MSH3: variants seen among roughly 807,000 people sequenced by gnomAD.
MSH3 encodes the protein DNA mismatch repair protein Msh3.
Under a neutral mutation model 123.3 loss-of-function variants are expected in MSH3, and 106 were observed. The observed-to-expected ratio is 0.86, with a 90% CI of 0.73 to 1.01. The LOEUF (loss-of-function observed/expected upper bound fraction) is 1.01, where lower values mean the gene tolerates loss of function less well. Ranked by LOEUF, MSH3 falls within the 50% of genes least tolerant of loss-of-function variation. MSH3 has a pLI of 0.00. For synonymous variants in MSH3, 515 were observed against 481.4 expected (o/e 1.07, Z -0.91); for missense variants, 1,459 against 1,347.6 (o/e 1.08, Z -1.29).
chr5:80,668,272 A>G (rs1188615293), intron 3 of MSH3, among the ~76,000 whole-genome samples: 1 of 152,102 alleles, frequency 6.6e-6, no homozygotes, highest in Non-Finnish European at 1.5e-5. Context: ...GGCTCAGAAA[A>G]CACCGTAAGT....
At chr5:80,785,996 T>A (rs1305522350) in intron 17 of MSH3, among the ~76,000 whole-genome samples, 3 of 15,138 alleles carry the variant, frequency 2.0e-4, no homozygotes, top group African/African-American at 2.8e-4. Context: ...TGTTGTGGGG[T>A]GGGGGGAAGG....
chr5:80,672,281 A>G lies in MSH3; in HGVS notation c.830A>G (p.Asp277Gly). The change falls in exon 5 of 24, where the codon GAT becomes GGT. Residue 277 changes from aspartate to glycine, a missense_variant. Asp to Gly is a moderately conservative substitution (Grantham distance 94). Coordinates refer to ENST00000265081, the MANE Select transcript of MSH3 (RefSeq NM_002439.5). ...GAGCTCAATATTTATTGCCATTTAG[A>G]TCACAACTTTATGACAGCAAGTATA... ...ARELNIYCHL[D>G]HNFMTASIPT... is the part of the protein sequence containing the mutation. 6.2e-7 allele frequency: 1 copy of G among 1,613,962 alleles called. No individual in the cohort carries two copies.
At chr5:80,657,354 T>C (rs1749316636) in intron 2 of MSH3, among the ~76,000 whole-genome samples, 1 of 152,156 alleles carries the variant, frequency 6.6e-6, no homozygotes, top group Non-Finnish European at 1.5e-5. Flanking sequence ...GGCAGGAGAA[T>C]CACTTGAGCC....
intron 1 of MSH3, among the ~76,000 whole-genome samples, chr5:80,656,074 A>T (rs1749276720): frequency 6.6e-6 from 1 of 152,016 alleles, no homozygotes; most frequent in African/African-American, 2.4e-5. Context: ...TATTTCTTAG[A>T]GGTATTTTAT....
chr5:80,711,887 C>G (rs1356937372), intron 8 of MSH3, among the ~76,000 whole-genome samples: 1 of 152,130 alleles, frequency 6.6e-6, no homozygotes, highest in East Asian at 1.9e-4. Context: ...CTCCTGACCT[C>G]AAGTGATCCA....
At chr5:80,827,651 C>A (rs980357635) in intron 20 of MSH3, among the ~76,000 whole-genome samples, 1 of 152,162 alleles carries the variant, frequency 6.6e-6, no homozygotes, top group African/African-American at 2.4e-5. Flanking sequence ...TTATCAATAT[C>A]TCTGTGCTTT....
chr5:80,802,413 T>TTA (rs1554073824), intron 19 of MSH3, among the ~76,000 whole-genome samples: 1 of 149,494 alleles, frequency 6.7e-6, no homozygotes, highest in Admixed American at 6.7e-5. Flanking sequence ...ATTGATTCTT[T>TTA]AAAAAAACAA....
rs538629855 is a variant in MSH3 at position 80,831,377 on chromosome 5, A to G, written c.2813+17636A>G. Among the ~76,000 whole-genome samples the G allele has an allele frequency of 3.3e-5, 5 of 152,350 alleles. No homozygotes were observed. In the South Asian group the frequency reaches 8.3e-4, roughly 25 times the overall value. ...CACCACCTGGAGATCATTGTTGTTT[A>G]GGTAGATGGCTTTCCAGGCTTTTTT... On this transcript the variant is annotated intron_variant, in intron 20 of 23. Transcript: ENST00000265081.
chr5:80,733,594 A>G (rs1004030226), intron 10 of MSH3, among the ~76,000 whole-genome samples: 3 of 119,358 alleles, frequency 2.5e-5, no homozygotes, highest in Middle Eastern at 3.9e-3. Flanking sequence ...ACTTGTATCT[A>G]GAATATATAT....
intron 8 of MSH3, among the ~76,000 whole-genome samples, chr5:80,721,530 G>A (rs1188239663): frequency 1.3e-5 from 2 of 152,056 alleles, no homozygotes; most frequent in Non-Finnish European, 1.5e-5. Context: ...TCTGTTTTCC[G>A]ATTGTTAGAG....
chr5:80,817,791 C>T (rs1419270378), intron 20 of MSH3, among the ~76,000 whole-genome samples: 1 of 151,986 alleles, frequency 6.6e-6, no homozygotes, highest in Non-Finnish European at 1.5e-5. Context: ...ACCCTTTTTG[C>T]AACCCCTGAT....
intron 8 of MSH3, among the ~76,000 whole-genome samples, chr5:80,722,341 G>T (rs1173562389): frequency 6.6e-6 from 1 of 152,182 alleles, no homozygotes; most frequent in Non-Finnish European, 1.5e-5. Flanking sequence ...ACTTTCTAAA[G>T]TATCTTAACT....
chr5:80,854,408 A>C lies in MSH3; in HGVS notation c.3000+92A>C, dbSNP rs916127541. ...CATAATTGTGCCATATTTATGGGGT[A>C]CAATGTGATGTTTTGAAACATATAA... On this transcript the variant is annotated intron_variant, in intron 21 of 23. Transcript: ENST00000265081. 8.6e-6 allele frequency: 10 copies of C among 1,157,782 alleles called. No individual in the cohort carries two copies. The African/African-American group carries it at 1.5e-4, about 18-fold the overall frequency. 71.7% of individuals were successfully genotyped at this position (1,157,782 alleles called of 1,614,324 possible). A position where few individuals can be genotyped will look rare whatever the true frequency, so the allele number is the denominator to read the frequency against.
intron 12 of MSH3, among the ~76,000 whole-genome samples, chr5:80,750,057 T>A (rs1328336477): frequency 7.1e-6 from 1 of 140,284 alleles, no homozygotes; most frequent in Non-Finnish European, 1.5e-5. Context: ...CTTTTTTTTT[T>A]AAGGCTGAAT....
rs1749909614 is a variant in MSH3 at position 80,679,106 on chromosome 5, A to G, written c.1340+13A>G. ...CCACATCTGTTAGGTAAGTTGGCAC[A>G]TCACTGGAATATAATACCGATTCTG... On this transcript the variant is annotated intron_variant, in intron 8 of 23. Transcript: ENST00000265081. 1 of 1,613,338 alleles carries G rather than the reference A, an allele frequency of 6.2e-7. No individual in the cohort carries two copies. Among genetic ancestry groups the G allele is most frequent in the Admixed American group, 1.7e-5 (1 of 60,014 alleles).
intron 22 of MSH3, among the ~76,000 whole-genome samples, chr5:80,866,588 C>G (rs1360530398): frequency 6.6e-6 from 1 of 152,174 alleles, no homozygotes; most frequent in Non-Finnish European, 1.5e-5. Context: ...TGTTGTATTT[C>G]TAAGTAATAT....
intron 10 of MSH3, among the ~76,000 whole-genome samples, chr5:80,731,795 T>A (rs1222464498): frequency 6.6e-6 from 1 of 152,190 alleles, no homozygotes; most frequent in African/African-American, 2.4e-5. Context: ...GAAAAATGAA[T>A]ATTCTCCTTG....
At chr5:80,867,091 G>C (rs1172242932) in intron 22 of MSH3, among the ~76,000 whole-genome samples, 1 of 152,144 alleles carries the variant, frequency 6.6e-6, no homozygotes, top group African/African-American at 2.4e-5. Context: ...TGCCTTGCTG[G>C]CATCCTAGGA....
In MSH3 at chr5:80,665,221, T is replaced by C. The variant is rs913692200; in HGVS notation, c.437T>C (p.Leu146Pro). The C allele has an allele frequency of 3.1e-6, 5 of 1,614,152 alleles. No homozygotes were observed. The highest frequency in any genetic ancestry group is 4.2e-6 in the Non-Finnish European group (5 of 1,179,980). Residue 146 changes from leucine to proline, a missense_variant, in exon 3 of 24, where the codon CTT (leucine) becomes CCT (proline). Transcript: ENST00000265081. ...KLKEFCCDSA[L>P]PQSRVQTESL... ...AAAGAATTCTGCTGCGATTCTGCCC[T>C]TCCTCAAAGTAGAGTCCAGACAGAA...
Sources: allele counts gnomAD v4.1 joint callset (sites outside exome capture counted in the v4.1 genomes callset), GRCh38; gene constraint gnomAD v4.1.1; transcripts MANE v1.5; gene names NCBI Gene and HGNC (gene_info 2026-07-23, HGNC 2026-07-21).